The following BMPR1A variants were observed in gnomAD, a reference collection of about 807,000 sequenced individuals.
The protein encoded by BMPR1A is bone morphogenetic protein receptor type-1A.
A neutral mutation model predicts 66.0 loss-of-function variants in BMPR1A; 7 were observed. That is an observed-to-expected ratio of 0.11 (90% CI 0.06 to 0.20). BMPR1A has a LOEUF of 0.20. Ranked by LOEUF, BMPR1A falls within the 10% of genes least tolerant of loss-of-function variation. The pLI is 1.00. For synonymous variants in BMPR1A, 200 were observed against 229.7 expected (o/e 0.87, Z 1.17); for missense variants, 408 against 669.1 (o/e 0.61, Z 4.31).
At chr10:86,766,825 G>A (rs866344359) in intron 1 of BMPR1A, among the ~76,000 whole-genome samples, 4 of 134,108 alleles carry the variant, frequency 3.0e-5, no homozygotes, top group African/African-American at 1.1e-4. Flanking sequence ...AGCCAGGATG[G>A]TTTTTTTTTT....
At chr10:86,837,860 C>T (rs1589739969) in intron 1 of BMPR1A, among the ~76,000 whole-genome samples, 1 of 152,188 alleles carries the variant, frequency 6.6e-6, no homozygotes, top group Non-Finnish European at 1.5e-5. Flanking sequence ...AGCGGAGACT[C>T]TTGTCTTTAA....
chr10:86,881,350 T>C lies in BMPR1A; in HGVS notation c.67+5265T>C, dbSNP rs909822761. 3.3e-5 allele frequency among the ~76,000 whole-genome samples: 5 copies of C among 152,216 alleles called. No individual in the cohort carries two copies. The East Asian group carries it at 9.6e-4, about 29-fold the overall frequency. ...AAATCAAACATTAATCTTGCCTTTC[T>C]AACATGAACTGTGCCACCTGTATCC... On this transcript the variant is annotated intron_variant, in intron 3 of 12. Transcript: ENST00000372037.
chr10:86,790,216 T>A lies in BMPR1A; in HGVS notation c.-268+33297T>A, dbSNP rs1412534923. On this transcript the variant is annotated intron_variant, in intron 1 of 12. Coordinates refer to ENST00000372037, the MANE Select transcript of BMPR1A (RefSeq NM_004329.3). ...ATATATATATATATATATATATATA[T>A]ATATATATATATATATATATCAAAA... Among the ~76,000 whole-genome samples, 31 of 62,478 alleles carry A rather than the reference T, an allele frequency of 5.0e-4. 4 individuals are homozygous for A. Among genetic ancestry groups the A allele is most frequent in the African/African-American group, 8.3e-4 (12 of 14,486 alleles). The allele number at this position is 62,478 out of a possible 152,430, so 41.0% of individuals were successfully genotyped here. A position where few individuals can be genotyped will look rare whatever the true frequency, so the allele number is the denominator to read the frequency against.
intron 1 of BMPR1A, among the ~76,000 whole-genome samples, chr10:86,806,469 A>C (rs1385825662): frequency 6.6e-6 from 1 of 151,770 alleles, no homozygotes; most frequent in Non-Finnish European, 1.5e-5. Flanking sequence ...AACCCTTCTT[A>C]CTCCCTTATG....
intron 2 of BMPR1A, among the ~76,000 whole-genome samples, chr10:86,849,631 T>C (rs571278875): frequency 6.6e-6 from 1 of 152,354 alleles, no homozygotes; most frequent in South Asian, 2.1e-4. Flanking sequence ...CTCTCCGATA[T>C]GGTTGTCATT....
At chr10:86,867,132 A>C (rs767636458) in intron 2 of BMPR1A, among the ~76,000 whole-genome samples, 14 of 152,124 alleles carry the variant, frequency 9.2e-5, no homozygotes, top group Non-Finnish European at 1.0e-4. Flanking sequence ...TTTTTTCTCT[A>C]TTCAATTTAC....
intron 5 of BMPR1A, among the ~76,000 whole-genome samples, chr10:86,893,630 T>C (rs184826951): frequency 2.0e-3 from 300 of 152,018 alleles, no homozygotes; most frequent in Middle Eastern, 0.014. Flanking sequence ...CTACTAAAAA[T>C]ACAAAAAATT....
At chr10:86,876,227 A>T in intron 3 of BMPR1A, 142 bp downstream of exon 3, 1 of 743,026 alleles carries the variant, frequency 1.3e-6, no homozygotes, top group Admixed American at 2.2e-5. Flanking sequence ...AAGATGAAAC[A>T]CGTGCCAAAT....
intron 1 of BMPR1A, among the ~76,000 whole-genome samples, chr10:86,768,837 C>T (rs1841206323): frequency 6.6e-6 from 1 of 152,180 alleles, no homozygotes; most frequent in South Asian, 2.1e-4. Flanking sequence ...CTTCTTTTCT[C>T]ATATGTGAAA....
chr10:86,855,796 T>C, intron 2 of BMPR1A: 1 of 1,143,422 alleles, frequency 8.7e-7, no homozygotes, highest in South Asian at 1.6e-5. Flanking sequence ...TTGAATTTGG[T>C]CTGTTTCCTG....
At chr10:86,887,810 G>A (rs182933403) in intron 3 of BMPR1A, among the ~76,000 whole-genome samples, 8 of 152,296 alleles carry the variant, frequency 5.3e-5, no homozygotes, top group African/African-American at 1.9e-4. Flanking sequence ...TCCCTCACCT[G>A]TCCTCTAGTC....
chr10:86,778,660 C>A (rs1368276229), intron 1 of BMPR1A, among the ~76,000 whole-genome samples: 1 of 152,132 alleles, frequency 6.6e-6, no homozygotes, highest in Non-Finnish European at 1.5e-5. Context: ...CTATAGCCTT[C>A]CTACCGTAGG....
At chr10:86,766,003 T>TTTTTTTTTTTTTG (rs1216917042) in intron 1 of BMPR1A, among the ~76,000 whole-genome samples, 2 of 150,960 alleles carry the variant, frequency 1.3e-5, no homozygotes, top group Admixed American at 6.6e-5. Context: ...TTTTTTTTTT[T>TTTTTTTTTTTTTG]GAGGGAAGGT....
chr10:86,794,467 G>GTCTGTCTC (rs1228838171), intron 1 of BMPR1A, among the ~76,000 whole-genome samples: 2 of 152,142 alleles, frequency 1.3e-5, no homozygotes, highest in Non-Finnish European at 2.9e-5. Flanking sequence ...ATCTTTTTGT[G>GTCTGTCTC]TCTGTCTCAA....
chr10:86,811,684 C>A (rs1276527347), intron 1 of BMPR1A, among the ~76,000 whole-genome samples: 1 of 152,158 alleles, frequency 6.6e-6, no homozygotes, highest in Non-Finnish European at 1.5e-5. Context: ...AGGAGACACA[C>A]AATGTGTGGT....
intron 1 of BMPR1A, among the ~76,000 whole-genome samples, chr10:86,807,046 A>T (rs1423753891): frequency 2.0e-5 from 3 of 152,092 alleles, no homozygotes; most frequent in Non-Finnish European, 4.4e-5. Flanking sequence ...AGAATCAGTC[A>T]TGTCTCTAAG....
rs560992841 is a variant in BMPR1A at position 86,878,941 on chromosome 10, C to T, written c.67+2856C>T. On this transcript the variant is annotated intron_variant, in intron 3 of 12. Transcript: ENST00000372037. ...GATCTGGGAGAGATTTAATTTTTTC[C>T]ATCAATTAGAATGTTTTCCTCTACA... is the stretch of plus-strand genomic sequence containing the variant. 2.6e-5 allele frequency among the ~76,000 whole-genome samples: 4 copies of T among 151,774 alleles called. No homozygotes were observed. In the East Asian group the frequency reaches 5.8e-4, roughly 22 times the overall value.
chr10:86,913,237 T>C (rs1199988689), intron 8 of BMPR1A, among the ~76,000 whole-genome samples: 1 of 151,492 alleles, frequency 6.6e-6, no homozygotes, highest in Non-Finnish European at 1.5e-5. Context: ...GCAATTCCCG[T>C]CTCAGCCTCC....
chr10:86,808,037 CTGT>C (rs1309805106), intron 1 of BMPR1A, among the ~76,000 whole-genome samples: 1 of 152,124 alleles, frequency 6.6e-6, no homozygotes, highest in Non-Finnish European at 1.5e-5. Context: ...TCATTTGGGC[CTGT>C]TGTTTTCTGT....
Sources: allele counts gnomAD v4.1 joint callset (sites outside exome capture counted in the v4.1 genomes callset), GRCh38; gene constraint gnomAD v4.1.1; transcripts MANE v1.5; gene names NCBI Gene and HGNC (gene_info 2026-07-23, HGNC 2026-07-21).